Variants in NELL1 observed in about 807,000 individuals in gnomAD.
NELL1 encodes the protein neural EGFL like 1, also known as protein kinase C-binding protein NELL1.
Under a neutral mutation model 107.4 loss-of-function variants are expected in NELL1, and 76 were observed. The ratio of observed to expected loss-of-function variants is 0.71; its 90% CI spans 0.59 to 0.86. The LOEUF (loss-of-function observed/expected upper bound fraction) is 0.86. Ranked by LOEUF, NELL1 falls within the 40% of genes least tolerant of loss-of-function variation. NELL1 has a pLI of 0.00. For synonymous variants in NELL1, 353 were observed against 341.2 expected (o/e 1.03, Z -0.38); for missense variants, 1,024 against 1,005.5 (o/e 1.02, Z -0.25).
chr11:21,012,404 G>A (rs1852467117), intron 12 of NELL1, among the ~76,000 whole-genome samples: 1 of 152,060 alleles, frequency 6.6e-6, no homozygotes, highest in Non-Finnish European at 1.5e-5. Context: ...CTTGAAATTA[G>A]GGTCATCAGA....
At chr11:20,804,915 GT>G (rs369489801) in intron 3 of NELL1, among the ~76,000 whole-genome samples, 13 of 152,228 alleles carry the variant, frequency 8.5e-5, no homozygotes, top group African/African-American at 3.1e-4. Flanking sequence ...ATCTCTCTTT[GT>G]TTTTAGGTCT....
At chr11:21,529,686 C>G (rs1453979208) in intron 15 of NELL1, among the ~76,000 whole-genome samples, 1 of 152,132 alleles carries the variant, frequency 6.6e-6, no homozygotes, top group African/African-American at 2.4e-5. Context: ...GAAATAATCT[C>G]TTAGTCCTAA....
At chr11:21,542,951 A>G (rs957004347) in intron 16 of NELL1, among the ~76,000 whole-genome samples, 10 of 152,068 alleles carry the variant, frequency 6.6e-5, no homozygotes, top group Non-Finnish European at 1.5e-4. Context: ...ATTCTAATTT[A>G]AAAGGAGGTT....
intron 14 of NELL1, among the ~76,000 whole-genome samples, chr11:21,302,379 A>G (rs994816132): frequency 6.6e-6 from 1 of 152,058 alleles, no homozygotes; most frequent in Non-Finnish European, 1.5e-5. Flanking sequence ...TGATAGATGG[A>G]TTCTGACAAG....
chr11:20,739,441 G>T (rs1855837998), intron 2 of NELL1, among the ~76,000 whole-genome samples: 1 of 152,316 alleles, frequency 6.6e-6, no homozygotes, highest in South Asian at 2.1e-4. Flanking sequence ...TTGCTTTCCT[G>T]CTGTGCTTTG....
chr11:20,705,001 T>G (rs1399446727), intron 2 of NELL1, among the ~76,000 whole-genome samples: 1 of 151,966 alleles, frequency 6.6e-6, no homozygotes, highest in Non-Finnish European at 1.5e-5. Flanking sequence ...CACTGCTCAA[T>G]GAAATAAAAG....
intron 2 of NELL1, among the ~76,000 whole-genome samples, chr11:20,715,205 A>G (rs7111617): frequency 0.1 from 15,338 of 151,942 alleles, 871 homozygotes; most frequent in Non-Finnish European, 0.13. Context: ...ACATCGCGCC[A>G]TTGCATGCCA....
intron 12 of NELL1, among the ~76,000 whole-genome samples, chr11:21,100,549 C>G (rs1854779423): frequency 6.6e-6 from 1 of 152,172 alleles, no homozygotes; most frequent in South Asian, 2.1e-4. Flanking sequence ...AGCGGTTTCT[C>G]AAAAGCCTAA....
intron 15 of NELL1, among the ~76,000 whole-genome samples, chr11:21,514,264 G>T (rs1271297598): frequency 6.6e-6 from 1 of 152,112 alleles, no homozygotes; most frequent in African/African-American, 2.4e-5. Context: ...TAAAATATTT[G>T]CCTTATAATT....
chr11:21,198,650 C>A (rs931349906), intron 13 of NELL1, among the ~76,000 whole-genome samples: 2 of 152,204 alleles, frequency 1.3e-5, no homozygotes, highest in Non-Finnish European at 2.9e-5. Context: ...CTCTGTCCTG[C>A]ATTTCCATCC....
chr11:21,384,961 C>G (rs1403032310), intron 15 of NELL1, among the ~76,000 whole-genome samples: 3 of 151,864 alleles, frequency 2.0e-5, no homozygotes, highest in Non-Finnish European at 2.9e-5. Flanking sequence ...TATTTACTTT[C>G]AACTAACTCA....
At chr11:21,170,280 C>G in intron 13 of NELL1, 1 of 251,212 alleles carries the variant, frequency 4.0e-6, no homozygotes, top group Non-Finnish European at 7.5e-6. Context: ...TGCATATTTT[C>G]TTTCATGTAG....
In NELL1 at chr11:21,066,868, C is replaced by T. The variant is rs188442271; in HGVS notation, c.1301-46721C>T. ...ACTTGGGAGGCTGAGGCAGGAGGGT[C>T]GCTTGAACCCAGGAGGCAGGGGTTG... On this transcript the variant is annotated intron_variant, in intron 12 of 19. Coordinates refer to ENST00000357134, the MANE Select transcript of NELL1 (RefSeq NM_006157.5). Among the ~76,000 whole-genome samples, 449 of 152,034 alleles carry T rather than the reference C, an allele frequency of 3.0e-3. 1 individual carries two copies. Among genetic ancestry groups the T allele is most frequent in the African/African-American group, 0.01 (421 of 41,466 alleles).
chr11:21,461,232 G>T (rs1853893120), intron 15 of NELL1, among the ~76,000 whole-genome samples: 1 of 152,076 alleles, frequency 6.6e-6, no homozygotes, highest in Admixed American at 6.6e-5. Flanking sequence ...GATACAAGAA[G>T]TCAGTGAATG....
At chr11:21,142,259 G>T (rs1316688665) in intron 13 of NELL1, among the ~76,000 whole-genome samples, 1 of 152,162 alleles carries the variant, frequency 6.6e-6, no homozygotes, top group Non-Finnish European at 1.5e-5. Flanking sequence ...ACATGCCTTG[G>T]TGGTAATGAA....
chr11:21,277,305 T>C (rs376369860), intron 14 of NELL1, among the ~76,000 whole-genome samples: 2 of 152,016 alleles, frequency 1.3e-5, no homozygotes, highest in Admixed American at 6.5e-5. Flanking sequence ...AAAATGCTCA[T>C]CATCACTGGC....
chr11:21,565,067 G>A (rs1856938582), intron 17 of NELL1, among the ~76,000 whole-genome samples: 1 of 151,926 alleles, frequency 6.6e-6, no homozygotes, highest in African/African-American at 2.4e-5. Context: ...CAGGATAGAA[G>A]CAAACTTTCT....
At chr11:20,930,855 T>G (rs1850603842) in intron 9 of NELL1, among the ~76,000 whole-genome samples, 1 of 151,596 alleles carries the variant, frequency 6.6e-6, no homozygotes, top group African/African-American at 2.4e-5. Flanking sequence ...TTTAGTTAGG[T>G]AGCACTAATT....
chr11:21,024,118 A>G (rs1052901765), intron 12 of NELL1, among the ~76,000 whole-genome samples: 1 of 152,120 alleles, frequency 6.6e-6, no homozygotes, highest in Non-Finnish European at 1.5e-5. Context: ...GAAGGCCTAG[A>G]TAAGTTTTGA....
Sources: allele counts gnomAD v4.1 joint callset (sites outside exome capture counted in the v4.1 genomes callset), GRCh38; gene constraint gnomAD v4.1.1; transcripts MANE v1.5; gene names NCBI Gene and HGNC (gene_info 2026-07-23, HGNC 2026-07-21).